The following LNX1 variants were observed in gnomAD, a reference collection of about 807,000 sequenced individuals.
LNX1 encodes ligand of numb-protein X 1.
Under a neutral mutation model 68.4 loss-of-function variants are expected in LNX1, and 54 were observed. That is an observed-to-expected ratio of 0.79 (90% confidence interval 0.63 to 0.99). LNX1 has a LOEUF of 0.99. Among genes scored for constraint, LNX1 ranks in the 50% least tolerant of loss-of-function variants. The pLI is 0.00. For synonymous variants in LNX1, 336 were observed against 350.0 expected, an observed-to-expected ratio of 0.96 and a Z score of 0.45; for missense variants, 906 against 926.4, an observed-to-expected ratio of 0.98 and a Z score of 0.29.
At chr4:53,605,692 C>A (rs968547734) in intron 2 of LNX1, among the ~76,000 whole-genome samples, 1 of 152,114 alleles carries the variant, frequency 6.6e-6, no homozygotes, top group African/African-American at 2.4e-5. Context: ...TTTTTCTTGT[C>A]TGACTTATTT....
At chr4:53,530,459 G>A (rs752167799) in intron 2 of LNX1, among the ~76,000 whole-genome samples, 60 of 152,104 alleles carry the variant, frequency 3.9e-4, no homozygotes, top group Non-Finnish European at 8.1e-4. Context: ...AAAGAATACT[G>A]AGATTATATT....
chr4:53,514,590 T>A (rs1341335677), intron 2 of LNX1, among the ~76,000 whole-genome samples: 1 of 152,170 alleles, frequency 6.6e-6, no homozygotes, highest in African/African-American at 2.4e-5. Flanking sequence ...GATTCATGGA[T>A]CTCCAACCGG....
At chr4:53,547,754 G>C (rs896462048) in intron 2 of LNX1, among the ~76,000 whole-genome samples, 1 of 152,166 alleles carries the variant, frequency 6.6e-6, no homozygotes, top group African/African-American at 2.4e-5. Context: ...AGAATTCCCA[G>C]AGATGGCTTT....
intron 2 of LNX1, chr4:53,558,203 A>G: frequency 7.7e-7 from 1 of 1,303,094 alleles, no homozygotes; most frequent in Non-Finnish European, 9.8e-7. Context: ...ACGGTTGGCG[A>G]GAGAGCTTAG....
Position 53,498,785 on chromosome 4 carries a change from A to T in LNX1, c.834T>A (p.Asn278Lys), listed in dbSNP as rs1168128775. 1.2e-6 allele frequency: 2 copies of T among 1,613,958 alleles called. No homozygotes were observed. The highest frequency in any genetic ancestry group is 2.7e-5 in the African/African-American group (2 of 74,888). The change falls in exon 5 of 11, where the codon AAT (asparagine) becomes AAA (lysine). Residue 278 changes from asparagine (N) to lysine (K), a missense_variant. Physicochemically the swap from Asn to Lys is moderately conservative, Grantham distance 94. Transcript: ENST00000263925. The stretch of plus-strand genomic sequence containing the variant: ...AGAGGCTTTCACTGGGATCTACTCG[A>T]TTGATCTTGATGCTGGTAATTTCAC... ...PDGEITSIKI[N>K]RVDPSESLSI...
At chr4:53,651,948 C>T (rs1242095295) in intron 1 of LNX1, among the ~76,000 whole-genome samples, 1 of 151,686 alleles carries the variant, frequency 6.6e-6, no homozygotes, top group African/African-American at 2.4e-5. Context: ...GCCCTGAGGC[C>T]TTTCTAGTGT....
intron 1 of LNX1, among the ~76,000 whole-genome samples, chr4:53,642,090 T>C (rs1399452940): frequency 6.6e-6 from 1 of 151,882 alleles, no homozygotes. Flanking sequence ...GGTTTGGTGG[T>C]ACACGCCTGT....
intron 9 of LNX1, among the ~76,000 whole-genome samples, chr4:53,472,306 C>T (rs1048275845): frequency 2.6e-5 from 4 of 151,032 alleles, no homozygotes; most frequent in African/African-American, 9.7e-5. Flanking sequence ...ATGGACACAG[C>T]AAGGGGAACA....
intron 2 of LNX1, among the ~76,000 whole-genome samples, chr4:53,571,459 G>C (rs1264915147): frequency 6.6e-6 from 1 of 152,092 alleles, no homozygotes; most frequent in Non-Finnish European, 1.5e-5. Flanking sequence ...AGGCCAGAGA[G>C]AGCCTGGAAG....
rs1174347143 is a variant in LNX1 at position 53,508,195 on chromosome 4, T to C, written c.413A>G (p.Lys138Arg). The change falls in exon 3 of 11, where the codon AAA becomes AGA. Residue 138 changes from lysine to arginine, a missense_variant. Physicochemically the swap from Lys to Arg is conservative, Grantham distance 26 (BLOSUM62 2). Transcript: ENST00000263925. ...ATCTTGTGAGCGCCTCTTCCTATCT[T>C]TGGTCAGGCCGTAGTGGGAGGCACC... Reference protein sequence around the residue: ...CKGASHYGLTKDRKRRSQDGC... With the variant: ...CKGASHYGLTRDRKRRSQDGC... 2.5e-6 allele frequency: 4 copies of C among 1,614,032 alleles called. No individual in the cohort carries two copies. The African/African-American group carries it at 4.0e-5, about 16-fold the overall frequency.
At chr4:53,462,711 G>A (rs1722259534) in intron 9 of LNX1, among the ~76,000 whole-genome samples, 1 of 152,090 alleles carries the variant, frequency 6.6e-6, no homozygotes, top group South Asian at 2.1e-4. Flanking sequence ...ATGTAATGCT[G>A]AAATTCAACT....
intron 1 of LNX1, among the ~76,000 whole-genome samples, chr4:53,633,275 A>C (rs1321194392): frequency 6.6e-6 from 1 of 152,130 alleles, no homozygotes; most frequent in Non-Finnish European, 1.5e-5. Flanking sequence ...TGCCTGCTGG[A>C]ACTTGGCTAC....
intron 6 of LNX1, among the ~76,000 whole-genome samples, chr4:53,492,498 G>C (rs998028430): frequency 1.1e-4 from 5 of 44,970 alleles, no homozygotes; most frequent in African/African-American, 2.9e-4. Flanking sequence ...GGAGGCCTCA[G>C]AGGGCTCTGA....
At position 53,573,654 on chromosome 4, in the gene LNX1, G is replaced by C; in HGVS notation, c.349C>G (p.Arg117Gly). The change falls in exon 2 of 11, where the codon CGC becomes GGC. Residue 117 changes from arginine (R) to glycine (G), a missense_variant. Arg to Gly is a moderately radical substitution (Grantham distance 125). Coordinates refer to ENST00000263925, the MANE Select transcript of LNX1 (RefSeq NM_001126328.3). Reference sequence around the variant, plus strand: ...TGAAAGTGATGCTCGAGGTCACAGCGCTGCAACACCTGGGTGCAGTGCTCC... The same window carrying C: ...TGAAAGTGATGCTCGAGGTCACAGCCCTGCAACACCTGGGTGCAGTGCTCC... ...FREHCTQVLQ[R>G]CDLEHHFQTS... The C allele has an allele frequency of 5.0e-6, 8 of 1,605,486 alleles. No individual in the cohort carries two copies. The highest frequency in any genetic ancestry group is 6.8e-6 in the Non-Finnish European group (8 of 1,176,212).
intron 2 of LNX1, among the ~76,000 whole-genome samples, chr4:53,597,890 C>A (rs1276802725): frequency 1.3e-5 from 2 of 152,172 alleles, no homozygotes. Flanking sequence ...TCATAACAAC[C>A]AGACTGGACA....
At chr4:53,532,440 C>CAAAT (rs566912677) in intron 2 of LNX1, among the ~76,000 whole-genome samples, 21 of 151,630 alleles carry the variant, frequency 1.4e-4, no homozygotes, top group African/African-American at 3.1e-4. Context: ...GACTCCATCT[C>CAAAT]AAATAAATAA....
At chr4:53,513,886 G>A (rs1338271795) in intron 2 of LNX1, among the ~76,000 whole-genome samples, 2 of 152,078 alleles carry the variant, frequency 1.3e-5, no homozygotes, top group African/African-American at 4.8e-5. Flanking sequence ...CGATCTATAC[G>A]GCCCTATATT....
At chr4:53,583,820 A>T (rs1731982381) in intron 1 of LNX1, among the ~76,000 whole-genome samples, 1 of 152,006 alleles carries the variant, frequency 6.6e-6, no homozygotes, top group Non-Finnish European at 1.5e-5. Context: ...AGATTTTACC[A>T]CCTTTCCCCT....
upstream of LNX1, among the ~76,000 whole-genome samples, chr4:53,619,824 C>T (rs1733803744): frequency 6.6e-6 from 1 of 152,158 alleles, no homozygotes; most frequent in African/African-American, 2.4e-5. Context: ...TTTTACACAC[C>T]CAGCAGCAAT....
Sources: allele counts gnomAD v4.1 joint callset (sites outside exome capture counted in the v4.1 genomes callset), GRCh38; gene constraint gnomAD v4.1.1; transcripts MANE v1.5; gene names NCBI Gene and HGNC (gene_info 2026-07-23, HGNC 2026-07-21).